CABP1: variants seen among roughly 807,000 people sequenced by gnomAD.
The protein encoded by CABP1 is calcium-binding protein 1.
A neutral mutation model predicts 34.3 loss-of-function variants in CABP1; 17 were observed. The observed-to-expected ratio is 0.50, with a 90% CI of 0.34 to 0.74. The LOEUF is 0.74. CABP1 is among the 30% of genes least tolerant of loss of function. The probability of loss-of-function intolerance (pLI) is 0.01; values close to 1 mark genes in which losing one functional copy is unlikely to be tolerated. For synonymous variants in CABP1, 198 were observed against 229.2 expected, an observed-to-expected ratio of 0.86 and a Z score of 1.23; for missense variants, 373 against 511.1, an observed-to-expected ratio of 0.73 and a Z score of 2.61.
At position 120,659,922 on chromosome 12, in the gene CABP1, C is replaced by T. The variant is rs1377840712; in HGVS notation, c.685+14C>T. On this transcript the variant is annotated intron_variant, in intron 2 of 5. Transcript: ENST00000316803. ...AGGAAATTGAAGGTAAAACTTGGCCCCTTGGGGGAAAGGACTGCCTAGCCC... is the reference window on the plus strand; with the variant it reads ...AGGAAATTGAAGGTAAAACTTGGCCTCTTGGGGGAAAGGACTGCCTAGCCC... 2 of 1,613,328 alleles carry T rather than the reference C, an allele frequency of 1.2e-6. No individual in the cohort carries two copies. The highest frequency in any genetic ancestry group is 2.2e-5 in the East Asian group (1 of 44,886).
the CABP1 span, among the ~76,000 whole-genome samples, chr12:120,677,984 C>T: frequency 3.3e-5 from 5 of 152,178 alleles, no homozygotes; most frequent in East Asian, 1.9e-4. Flanking sequence ...TTTCTCAGTT[C>T]GAGTTGCACC....
chr12:120,648,274 A>G (rs1385926139), intron 1 of CABP1, among the ~76,000 whole-genome samples: 1 of 152,098 alleles, frequency 6.6e-6, no homozygotes, highest in Non-Finnish European at 1.5e-5. Flanking sequence ...CCTTCATAGC[A>G]TTTATCTGAA....
intron 1 of CABP1, among the ~76,000 whole-genome samples, chr12:120,653,158 C>T (rs955081522): frequency 6.6e-6 from 1 of 152,184 alleles, no homozygotes; most frequent in African/African-American, 2.4e-5. Flanking sequence ...GATGCTCCCC[C>T]ACTTCCTCTG....
chr12:120,648,561 C>G (rs1879655847), intron 1 of CABP1, among the ~76,000 whole-genome samples: 1 of 152,034 alleles, frequency 6.6e-6, no homozygotes, highest in East Asian at 1.9e-4. Context: ...AACTGAAGTT[C>G]AGGAATGGGA....
chr12:120,654,163 C>T (rs1880020545), intron 1 of CABP1, among the ~76,000 whole-genome samples: 1 of 152,172 alleles, frequency 6.6e-6, no homozygotes, highest in South Asian at 2.1e-4. Context: ...TGTCTGACAT[C>T]CCTCAAGTTT....
At chr12:120,659,592 C>T (rs1262839471) in intron 1 of CABP1, 3 of 381,052 alleles carry the variant, frequency 7.9e-6, no homozygotes, top group African/African-American at 4.2e-5. Context: ...CCTGCTGACC[C>T]ATTCTTGTAT....
At chr12:120,651,366 T>C (rs892191360) in intron 1 of CABP1, among the ~76,000 whole-genome samples, 2 of 152,238 alleles carry the variant, frequency 1.3e-5, no homozygotes, top group African/African-American at 4.8e-5. Flanking sequence ...GGATTTGTTT[T>C]TGTTTTTGCA....
downstream of CABP1, among the ~76,000 whole-genome samples, chr12:120,668,348 G>A (rs7132207): frequency 2.5e-3 from 378 of 152,262 alleles, 2 homozygotes; most frequent in African/African-American, 8.7e-3. Context: ...AAAATTAGCC[G>A]GGCGTGGTGG....
rs191118789 is a variant in CABP1, at chr12:120,641,932, C to T, written c.654+593C>T. Among the ~76,000 whole-genome samples, 2,616 of 146,556 alleles carry T rather than the reference C, an allele frequency of 0.018. 90 individuals carry two copies. The highest frequency in any genetic ancestry group is 0.063 in the African/African-American group (2,468 of 39,022). On this transcript the variant is annotated intron_variant, in intron 1 of 5. Transcript: ENST00000316803. The surrounding 1 kb of genome is among the most constrained non-coding windows in gnomAD (Gnocchi z 6.7). ...TGCAGAGCTGTGGCTCAAACTGGAACTTTGGGGTGGTTTAAGGAGGCTGTC... is the reference window on the plus strand; with the variant it reads ...TGCAGAGCTGTGGCTCAAACTGGAATTTTGGGGTGGTTTAAGGAGGCTGTC...
At chr12:120,657,603 A>G (rs2137354434) in intron 1 of CABP1, among the ~76,000 whole-genome samples, 1 of 152,290 alleles carries the variant, frequency 6.6e-6, no homozygotes, top group East Asian at 1.9e-4. Flanking sequence ...CTGGCACATT[A>G]GTGGGCATCC....
At chr12:120,655,994 G>T (rs772347438) in intron 1 of CABP1, 1 of 1,576,306 alleles carries the variant, frequency 6.3e-7, no homozygotes. Context: ...GACTCTCAGG[G>T]TCCCCTCTTG....
intron 1 of CABP1, among the ~76,000 whole-genome samples, chr12:120,648,754 G>A (rs957445819): frequency 3.9e-5 from 6 of 152,116 alleles, no homozygotes; most frequent in South Asian, 2.1e-4. Context: ...GAAGTTGTGC[G>A]TCTGTAATCC....
chr12:120,659,494 G>T lies in CABP1; in HGVS notation c.655-384G>T, dbSNP rs1367159420. On this transcript the variant is annotated intron_variant, in intron 1 of 5. Coordinates refer to ENST00000316803, the MANE Select transcript of CABP1 (RefSeq NM_001033677.2). Reference sequence around the variant, plus strand: ...CTGTTCTCTGACTCATTCTTTTTTTGTTTTTTTTTTTTGAGACAGGGTCTC... The same window carrying T: ...CTGTTCTCTGACTCATTCTTTTTTTTTTTTTTTTTTTTGAGACAGGGTCTC... 763 of 162,610 alleles carry T rather than the reference G, an allele frequency of 4.7e-3. 1 individual carries two copies. Among genetic ancestry groups the T allele is most frequent in the Non-Finnish European group, 8.3e-3 (643 of 77,896 alleles). The allele number at this position is 162,610 out of a possible 1,614,324, so 10.1% of individuals were successfully genotyped here.
At chr12:120,653,238 C>CT (rs1879959594) in intron 1 of CABP1, among the ~76,000 whole-genome samples, 1 of 152,204 alleles carries the variant, frequency 6.6e-6, no homozygotes, top group South Asian at 2.1e-4. Flanking sequence ...CCATCATCAT[C>CT]GCCATCATTG....
chr12:120,641,111 C>T lies in CABP1; in HGVS notation c.426C>T (p.His142=). ...GCCAGCGTGTGCTCCCCCAGGCGCACTGCAGGCCCCGGGAGGCGCTGCCGG... is the reference window on the plus strand; with the variant it reads ...GCCAGCGTGTGCTCCCCCAGGCGCATTGCAGGCCCCGGGAGGCGCTGCCGG... ...RGSQRVLPQA[H]CRPREALPAA... The change falls in exon 1 of 6, where the codon CAC becomes CAT. Residue 142 remains histidine (H), a synonymous_variant. Coordinates refer to ENST00000316803, the MANE Select transcript of CABP1 (RefSeq NM_001033677.2). This position sits in a 1 kb window ranked among gnomAD's most constrained non-coding sequence, Gnocchi z 6.7. 1.6e-6 allele frequency: 2 copies of T among 1,222,924 alleles called. No homozygotes were observed. Among genetic ancestry groups the T allele is most frequent in the Non-Finnish European group, 2.0e-6 (2 of 983,724 alleles). The allele number at this position is 1,222,924 out of a possible 1,614,324, so 75.8% of individuals were successfully genotyped here.
At chr12:120,644,281 T>G (rs371460250) in intron 1 of CABP1, among the ~76,000 whole-genome samples, 1 of 152,188 alleles carries the variant, frequency 6.6e-6, no homozygotes, top group Non-Finnish European at 1.5e-5. Context: ...GAGTGCTGGA[T>G]AAAGGGCAGC....
chr12:120,649,046 GC>G (rs1162348108), intron 1 of CABP1, among the ~76,000 whole-genome samples: 1 of 150,622 alleles, frequency 6.6e-6, no homozygotes, highest in Non-Finnish European at 1.5e-5. Context: ...ATCAATACCC[GC>G]CCCCCAGGCT....
At position 120,640,844 on chromosome 12, in the gene CABP1, G is replaced by A. The variant is rs927564828; in HGVS notation, c.159G>A (p.Ala53=). 2 of 1,072,130 alleles carry A rather than the reference G, an allele frequency of 1.9e-6. No homozygotes were observed. Among genetic ancestry groups the A allele is most frequent in the Admixed American group, 1.1e-4 (2 of 18,712 alleles). 66.4% of individuals were successfully genotyped at this position (1,072,130 alleles called of 1,614,324 possible). A position where few individuals can be genotyped will look rare whatever the true frequency, so the allele number is the denominator to read the frequency against. Residue 53 remains alanine (A), a synonymous_variant, in exon 1 of 6, where the codon GCG becomes GCA. Coordinates refer to ENST00000316803, the MANE Select transcript of CABP1 (RefSeq NM_001033677.2). This position sits in a 1 kb window ranked among gnomAD's most constrained non-coding sequence, Gnocchi z 6.2. ...CGCCCCCGCCGGGCCATGCGAGCGC[G>A]GGCCCCGCCGCGATGAGCTCGCACA... The part of the protein sequence containing the change: ...TAPPPPGHAS[A]GPAAMSSHIA...
intron 1 of CABP1, 161 bp from the exon 2 acceptor site, chr12:120,659,717 G>A: frequency 1.6e-6 from 1 of 608,502 alleles, no homozygotes; most frequent in East Asian, 2.9e-5. Context: ...GGAGATGTGG[G>A]GCTTTCTTCT....
Sources: allele counts gnomAD v4.1 joint callset (sites outside exome capture counted in the v4.1 genomes callset), GRCh38; gene constraint gnomAD v4.1.1; non-coding constraint Gnocchi (gnomAD v3.1); transcripts MANE v1.5; gene names NCBI Gene and HGNC (gene_info 2026-07-23, HGNC 2026-07-21).